Variants in ELK3 observed in about 807,000 individuals in gnomAD.
The protein encoded by ELK3 is ETS transcription factor ELK3.
A neutral mutation model predicts 28.9 loss-of-function variants in ELK3; 10 were observed. The ratio of observed to expected loss-of-function variants is 0.35; its 90% confidence interval spans 0.21 to 0.59. ELK3 has a LOEUF of 0.59. Ranked by LOEUF, ELK3 falls within the 20% of genes least tolerant of loss-of-function variation. The pLI, the probability that ELK3 is intolerant of heterozygous loss-of-function variation, is 0.82. For synonymous variants in ELK3, 272 were observed against 243.5 expected (o/e 1.12, Z -1.09); for missense variants, 463 against 517.3 (o/e 0.90, Z 1.02).
intron 3 of ELK3, among the ~76,000 whole-genome samples, chr12:96,254,176 T>A (rs1951928931): frequency 6.6e-6 from 1 of 152,012 alleles, no homozygotes; most frequent in African/African-American, 2.4e-5. Flanking sequence ...GATAAGAAAA[T>A]TAGCTGGGTG....
chr12:96,231,570 G>T (rs529482850), intron 2 of ELK3, among the ~76,000 whole-genome samples: 123 of 152,306 alleles, frequency 8.1e-4, no homozygotes, highest in African/African-American at 2.9e-3. Flanking sequence ...TCAGCTCACT[G>T]CAACCTCTGC....
chr12:96,251,827 A>C (rs78405390), intron 3 of ELK3, among the ~76,000 whole-genome samples: 11,767 of 152,326 alleles, frequency 0.077, 527 homozygotes, highest in Non-Finnish European at 0.1. Context: ...GGTTTAAAGA[A>C]AAAAGCCATC....
chr12:96,195,092 C>T (rs1951453930), intron 1 of ELK3, among the ~76,000 whole-genome samples: 1 of 152,060 alleles, frequency 6.6e-6, no homozygotes, highest in African/African-American at 2.4e-5. Flanking sequence ...GACGGCGAGA[C>T]TTCGGGTCCC....
rs1471352165 is a variant in ELK3 at position 96,259,781 on chromosome 12, T to G, written c.1053T>G (p.His351Gln). The G allele has an allele frequency of 6.2e-7, 1 of 1,611,456 alleles. No homozygotes were observed. The highest frequency in any genetic ancestry group is 1.3e-5 in the African/African-American group (1 of 74,900). ...CGAGTCCACTGCTCTCCAGCATACA[T>G]TTCTGGAGCAGCCTTAGTCCAGTTG... is the stretch of plus-strand genomic sequence containing the variant. ...LTPSPLLSSI[H>Q]FWSSLSPVAP... is the part of the protein sequence containing the mutation. Residue 351 changes from histidine to glutamine, a missense_variant, in exon 4 of 5, where the codon CAT becomes CAG. By Grantham distance (24) the His-to-Gln change is conservative (BLOSUM62 0). Coordinates refer to ENST00000228741, the MANE Select transcript of ELK3 (RefSeq NM_005230.4).
At chr12:96,196,030 G>C (rs1951463596) in intron 1 of ELK3, among the ~76,000 whole-genome samples, 1 of 152,104 alleles carries the variant, frequency 6.6e-6, no homozygotes, top group African/African-American at 2.4e-5. Flanking sequence ...GGATTCTGCT[G>C]CTGCAGGGGG....
At chr12:96,203,868 G>T (rs189570791) in intron 1 of ELK3, among the ~76,000 whole-genome samples, 65 of 152,250 alleles carry the variant, frequency 4.3e-4, no homozygotes, top group African/African-American at 1.4e-3. Context: ...TTGAACCCGG[G>T]CGGTGAAGCT....
intron 1 of ELK3, among the ~76,000 whole-genome samples, chr12:96,220,548 C>T (rs1369279748): frequency 6.6e-6 from 1 of 151,930 alleles, no homozygotes; most frequent in East Asian, 1.9e-4. Flanking sequence ...CCACCACGCC[C>T]AGCTGGTTTT....
rs373591332 is a variant in ELK3, at chr12:96,247,311, C to T, written c.579C>T (p.His193=). 3.7e-5 allele frequency: 60 copies of T among 1,614,266 alleles called. No homozygotes were observed. The highest frequency in any genetic ancestry group is 3.3e-4 in the Middle Eastern group (2 of 6,062). ...TTGTGACCAATAAAACCGACAAGCA[C>T]GTCACCAGGCCGGTGGTGTCCCTGC... ...IRFVTNKTDK[H]VTRPVVSLPS... The change falls in exon 3 of 5, where the codon CAC becomes CAT. Residue 193 remains histidine, a synonymous_variant. Transcript: ENST00000228741. This position sits in a 1 kb window ranked among gnomAD's most constrained non-coding sequence, Gnocchi z 5.5.
At position 96,267,286 on chromosome 12, in the gene ELK3, T is replaced by A; in HGVS notation, c.*106T>A. ...AGGACATTGTGAAACTCTTGTTAATTTGGTTTGCACTTTTCATAACATGGA... is the reference window on the plus strand; with the variant it reads ...AGGACATTGTGAAACTCTTGTTAATATGGTTTGCACTTTTCATAACATGGA... On this transcript the variant is annotated 3_prime_UTR_variant, in exon 5 of 5. Transcript: ENST00000228741. The A allele has an allele frequency of 1.0e-6, 1 of 982,014 alleles. No homozygotes were observed. The highest frequency in any genetic ancestry group is 1.8e-5 in the South Asian group (1 of 56,758). The allele number at this position is 982,014 out of a possible 1,614,324, so 60.8% of individuals were successfully genotyped here.
intron 1 of ELK3, among the ~76,000 whole-genome samples, chr12:96,205,644 C>T (rs1453819749): frequency 1.3e-5 from 2 of 152,162 alleles, no homozygotes; most frequent in East Asian, 3.9e-4. Context: ...ACACCCAGCT[C>T]TTCTTTTCTT....
chr12:96,228,165 A>ATCCCAGCAC (rs1476321969), intron 2 of ELK3, among the ~76,000 whole-genome samples: 2 of 152,110 alleles, frequency 1.3e-5, no homozygotes, highest in Non-Finnish European at 1.5e-5. Flanking sequence ...CACGCCTGTA[A>ATCCCAGCAC]TCCCAGCACT....
intron 2 of ELK3, among the ~76,000 whole-genome samples, chr12:96,235,631 A>C (rs571102639): frequency 6.6e-6 from 1 of 151,998 alleles, no homozygotes; most frequent in African/African-American, 2.4e-5. Context: ...TTCCAAGTCA[A>C]CTGGTGACAA....
At chr12:96,203,301 T>C (rs548483892) in intron 1 of ELK3, among the ~76,000 whole-genome samples, 3 of 152,358 alleles carry the variant, frequency 2.0e-5, no homozygotes, top group Admixed American at 1.3e-4. Flanking sequence ...GCATCCCTCA[T>C]GATCTGAAGT....
In ELK3 at chr12:96,233,218, G is replaced by C. The variant is rs570006905; in HGVS notation, c.207+9445G>C. ...CCCATAATGTGGGCAACTGTCTTTT[G>C]CTCACGAGAAGCTGAAGACACGGGT... On this transcript the variant is annotated intron_variant, in intron 2 of 4. Coordinates refer to ENST00000228741, the MANE Select transcript of ELK3 (RefSeq NM_005230.4). Among the ~76,000 whole-genome samples, 17 of 152,252 alleles carry C rather than the reference G, an allele frequency of 1.1e-4. No homozygotes were observed. In the South Asian group the frequency reaches 1.5e-3, roughly 13 times the overall value.
intron 1 of ELK3, chr12:96,198,220 A>G (rs1252040676): frequency 6.6e-6 from 1 of 152,202 alleles, no homozygotes; most frequent in Non-Finnish European, 1.5e-5. Flanking sequence ...CATGTTTCCC[A>G]GACCTGGACT....
intron 2 of ELK3, among the ~76,000 whole-genome samples, chr12:96,241,079 A>C (rs2137028863): frequency 6.6e-6 from 1 of 152,332 alleles, no homozygotes; most frequent in Admixed American, 6.5e-5. Flanking sequence ...TAAAAATGCC[A>C]GCAAAGAAGA....
At chr12:96,258,866 A>G (rs537284995) in intron 3 of ELK3, among the ~76,000 whole-genome samples, 2 of 152,332 alleles carry the variant, frequency 1.3e-5, no homozygotes, top group South Asian at 2.1e-4. Flanking sequence ...TGCCAGGGCA[A>G]TGAATTCTCA....
chr12:96,261,833 G>C (rs1182359076), intron 4 of ELK3, among the ~76,000 whole-genome samples: 1 of 152,098 alleles, frequency 6.6e-6, no homozygotes, highest in African/African-American at 2.4e-5. Context: ...ACGTTATCAG[G>C]ATCTCTGGGA....
In ELK3 at chr12:96,268,205, G is replaced by A. The variant is rs1592696205; in HGVS notation, c.*1025G>A. ...ACAAAGAAACCATTTTTAACACTAG[G>A]TATCTTCATCAGTATAGGTAGGTGT... On this transcript the variant is annotated 3_prime_UTR_variant, in exon 5 of 5. Coordinates refer to ENST00000228741, the MANE Select transcript of ELK3 (RefSeq NM_005230.4). 1 of 152,188 alleles carries A rather than the reference G, an allele frequency of 6.6e-6. No individual in the cohort carries two copies. Among genetic ancestry groups the A allele is most frequent in the Non-Finnish European group, 1.5e-5 (1 of 68,024 alleles). 9.4% of individuals were successfully genotyped at this position (152,188 alleles called of 1,614,324 possible).
Sources: gnomAD v4.1 joint callset for allele counts (sites outside exome capture counted in the v4.1 genomes callset) on GRCh38, gnomAD v4.1.1 for gene constraint, Gnocchi (gnomAD v3.1) non-coding constraint, MANE v1.5 for transcripts, NCBI Gene and HGNC (gene_info 2026-07-23, HGNC 2026-07-21) for gene names.